Variants in DCDC2C observed in about 807,000 individuals in gnomAD.
DCDC2C encodes doublecortin domain containing 2C.
In DCDC2C, 44 loss-of-function variants were observed where a neutral mutation model predicts 45.0. The observed-to-expected ratio is 0.98, with a 90% CI of 0.77 to 1.26. The LOEUF (loss-of-function observed/expected upper bound fraction) is 1.26. Among genes scored for constraint, DCDC2C ranks in the 50% most tolerant of loss-of-function variants. DCDC2C has a pLI of 0.00. For synonymous variants in DCDC2C, 187 were observed against 178.8 expected, an observed-to-expected ratio of 1.05 and a Z score of -0.37; for missense variants, 447 against 468.9, an observed-to-expected ratio of 0.95 and a Z score of 0.43.
intron 3 of DCDC2C, among the ~76,000 whole-genome samples, chr2:3,737,881 T>C (rs1156704002): frequency 6.6e-6 from 1 of 152,194 alleles, no homozygotes; most frequent in Non-Finnish European, 1.5e-5. Context: ...TTTATTTTCC[T>C]CCTATTTACT....
chr2:3,767,860 C>A lies in DCDC2C; in HGVS notation c.833C>A (p.Pro278His). The A allele has an allele frequency of 6.5e-7, 1 of 1,538,174 alleles. No individual in the cohort carries two copies. The highest frequency in any genetic ancestry group is 8.8e-7 in the Non-Finnish European group (1 of 1,142,522). The change falls in exon 7 of 11, where the codon CCT becomes CAT. Residue 278 changes from proline to histidine, a missense_variant. Physicochemically the swap from Pro to His is moderately conservative, Grantham distance 77 (BLOSUM62 -2). Coordinates refer to ENST00000399143, the MANE Select transcript of DCDC2C (RefSeq NM_001287444.2). ...GAAAAGAAGAAAACATTGGCAGAAC[C>A]TTTAGTCCAAAGGGGTGCAGGTGAC... Reference protein sequence around the residue: ...KEEKKKTLAEPLVQRGAEGDV... With the variant: ...KEEKKKTLAEHLVQRGAEGDV...
chr2:3,725,696 C>CGGAGGAAGACGAGCAG (rs1668645095), intron 2 of DCDC2C, among the ~76,000 whole-genome samples: 7 of 149,206 alleles, frequency 4.7e-5, no homozygotes, highest in Non-Finnish European at 7.4e-5. Context: ...AGGTGGATCC[C>CGGAGGAAGACGAGCAG]AGAGGGAGAT....
chr2:3,771,491 CA>C (rs1670167844), intron 8 of DCDC2C, among the ~76,000 whole-genome samples: 2 of 149,964 alleles, frequency 1.3e-5, no homozygotes, highest in South Asian at 4.2e-4. Context: ...TCACGGTGCA[CA>C]TGAGTGTATT....
intron 3 of DCDC2C, among the ~76,000 whole-genome samples, chr2:3,739,431 G>C (rs1669129872): frequency 6.6e-6 from 1 of 152,168 alleles, no homozygotes; most frequent in Admixed American, 6.5e-5. Context: ...ATAAAAGCTT[G>C]AGACCCTGGC....
intron 6 of DCDC2C, among the ~76,000 whole-genome samples, chr2:3,760,341 AGGATTATAAATCATTCT>A (rs1281327578): frequency 1.3e-5 from 2 of 152,232 alleles, no homozygotes; most frequent in Admixed American, 6.5e-5. Context: ...ATATACCCAA[AGGATTATAAATCATTCT>A]GCTATAAAGA....
At chr2:3,718,232 T>G (rs565807362) in intron 2 of DCDC2C, among the ~76,000 whole-genome samples, 20 of 152,310 alleles carry the variant, frequency 1.3e-4, no homozygotes, top group African/African-American at 4.8e-4. Context: ...TGGCAGGATC[T>G]TAGGGGCAGG....
intron 3 of DCDC2C, among the ~76,000 whole-genome samples, chr2:3,728,921 T>C (rs928203926): frequency 6.6e-6 from 1 of 152,050 alleles, no homozygotes; most frequent in South Asian, 2.1e-4. Context: ...GGTGAGTGCA[T>C]GGGTTGGAAG....
Position 3,703,866 on chromosome 2 carries a change from C to A in DCDC2C, c.115C>A (p.Arg39Ser). The change falls in exon 1 of 11, where the codon CGC (arginine) becomes AGC (serine). Residue 39 changes from arginine to serine, a missense_variant. Coordinates refer to ENST00000399143, the MANE Select transcript of DCDC2C (RefSeq NM_001287444.2). This position sits in a 1 kb window ranked among gnomAD's most constrained non-coding sequence, Gnocchi z 4.4. ...CAAGAAGTTCGTGCTGTCGCGGCGC[C>A]GCGCGGCCACCTTCGAGGCGCTGCT... ...VGKKFVLSRRRAATFEALLEQ... is the reference protein window; with the variant it reads ...VGKKFVLSRRSAATFEALLEQ... 1 of 1,291,790 alleles carries A rather than the reference C, an allele frequency of 7.7e-7. No individual in the cohort carries two copies. The allele number at this position is 1,291,790 out of a possible 1,614,324, so 80.0% of individuals were successfully genotyped here. A position where few individuals can be genotyped will look rare whatever the true frequency, so the allele number is the denominator to read the frequency against.
chr2:3,748,181 G>A (rs1669430076), intron 4 of DCDC2C, among the ~76,000 whole-genome samples: 1 of 152,152 alleles, frequency 6.6e-6, no homozygotes, highest in Admixed American at 6.5e-5. Context: ...GGCGGATTCT[G>A]AGCATGGAGT....
At chr2:3,712,279 C>T (rs945120867) in intron 2 of DCDC2C, among the ~76,000 whole-genome samples, 3 of 152,160 alleles carry the variant, frequency 2.0e-5, no homozygotes, top group South Asian at 2.1e-4. Flanking sequence ...CTCCCAGTGG[C>T]ATCACTACTA....
intron 2 of DCDC2C, among the ~76,000 whole-genome samples, chr2:3,723,796 G>A (rs1428320328): frequency 2.0e-5 from 3 of 152,090 alleles, no homozygotes; most frequent in South Asian, 4.1e-4. Flanking sequence ...ACTCAAGAAC[G>A]CCTCCCAGAT....
chr2:3,837,196 T>G (rs560125196), intron 10 of DCDC2C, among the ~76,000 whole-genome samples: 2 of 152,282 alleles, frequency 1.3e-5, no homozygotes, highest in East Asian at 3.9e-4. Flanking sequence ...CCTCTTCAGG[T>G]GAAAACGGTA....
chr2:3,807,747 C>G (rs1174744619), intron 10 of DCDC2C, among the ~76,000 whole-genome samples: 1 of 152,006 alleles, frequency 6.6e-6, no homozygotes, highest in Non-Finnish European at 1.5e-5. Flanking sequence ...CCCATGCCAC[C>G]CCCATGCCCT....
intron 10 of DCDC2C, among the ~76,000 whole-genome samples, chr2:3,810,172 G>A (rs1209895757): frequency 4.6e-5 from 7 of 152,152 alleles, no homozygotes; most frequent in Non-Finnish European, 8.8e-5. Flanking sequence ...TCGCCATACC[G>A]TCTTCCACAA....
intron 1 of DCDC2C, 44 bp downstream of exon 1, chr2:3,704,082 C>G (rs1667959248): frequency 8.1e-7 from 1 of 1,236,036 alleles, no homozygotes; most frequent in Non-Finnish European, 1.0e-6. Flanking sequence ...CCCCTCCCCG[C>G]CCTCTTGGGT....
chr2:3,729,969 A>G (rs1489396422), intron 3 of DCDC2C, among the ~76,000 whole-genome samples: 10 of 152,184 alleles, frequency 6.6e-5, no homozygotes, highest in Admixed American at 6.5e-4. Flanking sequence ...CTTGTTCATG[A>G]AGACAAGCAG....
rs147069004 is a variant in DCDC2C at position 3,729,017 on chromosome 2, C to A, written c.416+1938C>A. ...GTGGCCTGAGGTCACTTCTCTTGCC[C>A]AGTGTTCTCTCTGATGTCCCTTGTC... On this transcript the variant is annotated intron_variant, in intron 3 of 10. Coordinates refer to ENST00000399143, the MANE Select transcript of DCDC2C (RefSeq NM_001287444.2). 4.7e-3 allele frequency among the ~76,000 whole-genome samples: 714 copies of A among 152,318 alleles called. 4 individuals carry two copies. The highest frequency in any genetic ancestry group is 0.015 in the African/African-American group (643 of 41,576).
intron 1 of DCDC2C, among the ~76,000 whole-genome samples, chr2:3,707,680 G>C (rs910881683): frequency 1.3e-5 from 2 of 152,208 alleles, no homozygotes; most frequent in Non-Finnish European, 2.9e-5. Flanking sequence ...GGCCCTGTCC[G>C]CCTCAGAAGG....
intron 7 of DCDC2C, among the ~76,000 whole-genome samples, chr2:3,768,238 T>A (rs536149548): frequency 2.0e-5 from 3 of 152,166 alleles, no homozygotes; most frequent in South Asian, 2.1e-4. Flanking sequence ...CCACCGAGAT[T>A]GTTTAGGTGT....
Sources: gnomAD v4.1 joint callset for allele counts (sites outside exome capture counted in the v4.1 genomes callset) on GRCh38, gnomAD v4.1.1 for gene constraint, Gnocchi (gnomAD v3.1) non-coding constraint, MANE v1.5 for transcripts, NCBI Gene and HGNC (gene_info 2026-07-23, HGNC 2026-07-21) for gene names.